Variants in ZNF398 observed in about 807,000 individuals in gnomAD.
ZNF398 encodes zinc finger DNA binding protein ZER6.
A neutral mutation model predicts 41.9 loss-of-function variants in ZNF398; 18 were observed. The observed-to-expected ratio is 0.43, with a 90% CI of 0.30 to 0.64. The LOEUF (loss-of-function observed/expected upper bound fraction) is 0.64, where lower values mean the gene tolerates loss of function less well. Among genes scored for constraint, ZNF398 ranks in the 30% least tolerant of loss-of-function variants. The pLI is 0.14. For synonymous variants in ZNF398, 260 were observed against 308.8 expected, an observed-to-expected ratio of 0.84 and a Z score of 1.66; for missense variants, 669 against 822.8, an observed-to-expected ratio of 0.81 and a Z score of 2.29.
In ZNF398 at chr7:149,154,000, C is replaced by T. The variant is rs776367993; in HGVS notation, c.80C>T (p.Thr27Ile). Reference sequence around the variant, plus strand: ...TCCCTGCAGCCCCTTCCTCTTCCTACACCCCCAGCAGCAAATGAGGCACAC... The same window carrying T: ...TCCCTGCAGCCCCTTCCTCTTCCTATACCCCCAGCAGCAAATGAGGCACAC... ...LTSLQPLPLP[T>I]PPAANEAHLQ... is the part of the protein sequence containing the mutation. Residue 27 changes from threonine (T) to isoleucine (I), a missense_variant, in exon 2 of 6, where the codon ACA becomes ATA. Around this residue, in one of 3 missense-constraint regions of ZNF398, gnomAD observed 169 missense variants for 239.5 expected, o/e 0.71. Coordinates refer to ENST00000475153, the MANE Select transcript of ZNF398 (RefSeq NM_170686.3). 4 of 1,613,972 alleles carry T rather than the reference C, an allele frequency of 2.5e-6. No individual in the cohort carries two copies. The African/African-American group carries it at 4.0e-5, about 16-fold the overall frequency.
chr7:149,155,752 A>G (rs1794962974), intron 2 of ZNF398, among the ~76,000 whole-genome samples: 1 of 106,596 alleles, frequency 9.4e-6, no homozygotes, highest in Admixed American at 1.2e-4. Context: ...TTTGAGATGG[A>G]GTCTCACTCT....
upstream of ZNF398, among the ~76,000 whole-genome samples, chr7:149,144,050 T>C (rs1585509160): frequency 6.6e-6 from 1 of 152,210 alleles, no homozygotes; most frequent in African/African-American, 2.4e-5. Flanking sequence ...AATTGCTTAA[T>C]GAAATGCCAG....
At chr7:149,155,725 T>TTTA (rs1563159579) in intron 2 of ZNF398, among the ~76,000 whole-genome samples, 16 of 52,648 alleles carry the variant, frequency 3.0e-4, no homozygotes, top group Admixed American at 1.0e-3. Context: ...TTTTTTTTTT[T>TTTA]TTTTAATTTT....
At chr7:149,165,913 G>A (rs928556875) in intron 2 of ZNF398, among the ~76,000 whole-genome samples, 15 of 152,118 alleles carry the variant, frequency 9.9e-5, no homozygotes, top group African/African-American at 3.6e-4. Flanking sequence ...CAAAATACTC[G>A]AATGTGCCTC....
upstream of ZNF398, among the ~76,000 whole-genome samples, chr7:149,145,686 C>T (rs1468703580): frequency 6.6e-6 from 1 of 152,204 alleles, no homozygotes; most frequent in Non-Finnish European, 1.5e-5. Flanking sequence ...CACCAGCACT[C>T]TCCCACCAAT....
chr7:149,143,667 G>A (rs1826872249), upstream of ZNF398, among the ~76,000 whole-genome samples: 1 of 152,078 alleles, frequency 6.6e-6, no homozygotes, highest in African/African-American at 2.4e-5. Flanking sequence ...TACAAAATTA[G>A]CCCCCATGGT....
Position 149,138,468 on chromosome 7 carries a change from C to G in ZNF398, c.-490+9524C>G, listed in dbSNP as rs1826760094. 2.6e-5 allele frequency among the ~76,000 whole-genome samples: 4 copies of G among 152,030 alleles called. No homozygotes were observed. The South Asian group carries it at 8.3e-4, about 32-fold the overall frequency. On this transcript the variant is annotated intron_variant, in intron 2 of 6. Transcript: ENST00000426851. Reference sequence around the variant, plus strand: ...GGTGGTGCACGCCTGTATCCAGCTACTCTCAGGAAGCTAAGGCAGGAGAAT... The same window carrying G: ...GGTGGTGCACGCCTGTATCCAGCTAGTCTCAGGAAGCTAAGGCAGGAGAAT...
chr7:149,151,104 T>C (rs1827099700), intron 1 of ZNF398: 1 of 426,280 alleles, frequency 2.3e-6, no homozygotes, highest in Admixed American at 5.4e-5. Flanking sequence ...CTTTATGGAA[T>C]GGGACAAGCG....
intron 1 of ZNF398, among the ~76,000 whole-genome samples, chr7:149,153,386 C>T (rs1260684623): frequency 6.6e-6 from 1 of 152,094 alleles, no homozygotes; most frequent in Non-Finnish European, 1.5e-5. Flanking sequence ...CTAGTTCTGC[C>T]CTCTGGAGTA....
intron 2 of ZNF398, among the ~76,000 whole-genome samples, chr7:149,141,264 T>C (rs1826817689): frequency 6.7e-6 from 1 of 150,140 alleles, no homozygotes; most frequent in African/African-American, 2.4e-5. Flanking sequence ...AATGGGGCAC[T>C]CCAAATACAA....
At chr7:149,135,241 A>C (rs1183694953) in intron 2 of ZNF398, among the ~76,000 whole-genome samples, 2 of 151,726 alleles carry the variant, frequency 1.3e-5, no homozygotes, top group African/African-American at 4.8e-5. Context: ...TACCAAAAAA[A>C]TAGCCGGGCG....
Position 149,176,320 on chromosome 7 carries a change from G to A in ZNF398, c.662-148G>A, listed in dbSNP as rs1432878014. On this transcript the variant is annotated intron_variant, in intron 4 of 5. Transcript: ENST00000475153. The stretch of plus-strand genomic sequence containing the variant: ...CATCGTGCCACTGCACTCCAGCCTG[G>A]GTGACAGAGCGAGACTCTGTCTCAA... The A allele has an allele frequency of 5.3e-6, 3 of 561,758 alleles. No homozygotes were observed. In the East Asian group the frequency reaches 1.1e-4, roughly 20 times the overall value. 34.8% of individuals were successfully genotyped at this position (561,758 alleles called of 1,614,324 possible). A position where few individuals can be genotyped will look rare whatever the true frequency, so the allele number is the denominator to read the frequency against.
chr7:149,127,794 G>A (rs1019270706), intron 1 of ZNF398, among the ~76,000 whole-genome samples: 1 of 152,110 alleles, frequency 6.6e-6, no homozygotes, highest in African/African-American at 2.4e-5. Flanking sequence ...ACATATGTAT[G>A]TATACGTGTA....
chr7:149,167,560 G>A (rs1202449), intron 4 of ZNF398, among the ~76,000 whole-genome samples: 13,169 of 151,856 alleles, frequency 0.087, 602 homozygotes, highest in Middle Eastern at 0.18. Flanking sequence ...TTGATCCTCC[G>A]GGCATCTCTA....
Position 149,166,410 on chromosome 7 carries a change from C to T in ZNF398, c.547+126C>T, listed in dbSNP as rs1795226928. 1.8e-5 allele frequency: 21 copies of T among 1,163,458 alleles called. No homozygotes were observed. The African/African-American group carries it at 2.1e-4, about 12-fold the overall frequency. 72.1% of individuals were successfully genotyped at this position (1,163,458 alleles called of 1,614,324 possible). On this transcript the variant is annotated intron_variant, in intron 3 of 5. Transcript: ENST00000475153. ...ACACACTTCAAATTCTGGTTTCAAG[C>T]CAAAATATGACCAATTAATGCTTGC...
At chr7:149,176,447 T>C (rs551791097) in intron 4 of ZNF398, 21 bp from the exon 5 acceptor site, 12 of 1,573,066 alleles carry the variant, frequency 7.6e-6, no homozygotes, top group Middle Eastern at 1.7e-4. Context: ...AAGGCCATTT[T>C]TTTTTCCTCC....
chr7:149,179,184 G>A lies in ZNF398; in HGVS notation c.1312G>A (p.Asp438Asn). 3 of 1,613,500 alleles carry A rather than the reference G, an allele frequency of 1.9e-6. No homozygotes were observed. The highest frequency in any genetic ancestry group is 3.3e-5 in the Admixed American group (2 of 59,992). ...TCCTGATTGCCCCAAGCGCTTTGCT[G>A]ACCAGGCTCGACTCACCAGCCACCG... ...PCPDCPKRFA[D>N]QARLTSHRRA... Residue 438 changes from aspartate (D) to asparagine (N), a missense_variant, in exon 6 of 6, where the codon GAC (aspartate) becomes AAC (asparagine). By Grantham distance (23) the Asp-to-Asn change is conservative. This residue lies in a region of ZNF398 where 210 missense variants were observed against 290.4 expected (regional missense o/e 0.72). Transcript: ENST00000475153. This position sits in a 1 kb window ranked among gnomAD's most constrained non-coding sequence, Gnocchi z 6.1.
At chr7:149,153,763 A>T (rs1219805544) in intron 1 of ZNF398, among the ~76,000 whole-genome samples, 182 bp from the exon 2 acceptor site, 2 of 152,178 alleles carry the variant, frequency 1.3e-5, no homozygotes, top group African/African-American at 4.8e-5. Context: ...GAACCACCAA[A>T]TCAGGTCTCT....
In ZNF398 at chr7:149,179,296, G is replaced by A. The variant is rs372373845; in HGVS notation, c.1424G>A (p.Arg475Gln). 20 of 1,613,004 alleles carry A rather than the reference G, an allele frequency of 1.2e-5. No individual in the cohort carries two copies. In the African/African-American group the frequency reaches 1.5e-4, roughly 12 times the overall value. The change falls in exon 6 of 6, where the codon CGG becomes CAG. Residue 475 changes from arginine (R) to glutamine (Q), a missense_variant. Coordinates refer to ENST00000475153, the MANE Select transcript of ZNF398 (RefSeq NM_170686.3). The surrounding 1 kb of genome is among the most constrained non-coding windows in gnomAD (Gnocchi z 6.1). ...AAAATCAGCCTCCTGCTCCACCAGCGGGGTCATGCACAAGAGCGCCCTTTC... is the reference window on the plus strand; with the variant it reads ...AAAATCAGCCTCCTGCTCCACCAGCAGGGTCATGCACAAGAGCGCCCTTTC... The part of the protein sequence containing the change: ...SLKISLLLHQ[R>Q]GHAQERPFSC...
Sources: gnomAD v4.1 joint callset for allele counts (sites outside exome capture counted in the v4.1 genomes callset) on GRCh38, gnomAD v4.1.1 for gene constraint, gnomAD v4.1.1 regional missense constraint, Gnocchi (gnomAD v3.1) non-coding constraint, MANE v1.5 for transcripts, NCBI Gene and HGNC (gene_info 2026-07-23, HGNC 2026-07-21) for gene names.